INPP4B: variants seen among roughly 807,000 people sequenced by gnomAD.
INPP4B encodes inositol polyphosphate-4-phosphatase type II B.
A neutral mutation model predicts 122.5 loss-of-function variants in INPP4B; 55 were observed. That is an observed-to-expected ratio of 0.45 (90% confidence interval 0.36 to 0.56). The LOEUF is 0.56. Ranked by LOEUF, INPP4B falls within the 20% of genes least tolerant of loss-of-function variation. The pLI, the probability that INPP4B is intolerant of heterozygous loss-of-function variation, is 0.00. For synonymous variants in INPP4B, 403 were observed against 388.7 expected (o/e 1.04, Z -0.43); for missense variants, 1,000 against 1,097.7 (o/e 0.91, Z 1.26).
chr4:142,344,868 G>T (rs930907274), intron 7 of INPP4B, among the ~76,000 whole-genome samples: 2 of 151,838 alleles, frequency 1.3e-5, no homozygotes, highest in Admixed American at 6.6e-5. Flanking sequence ...CTTAAAATAA[G>T]AATTAATATA....
At chr4:142,836,717 T>C (rs1782820704) in intron 1 of INPP4B, among the ~76,000 whole-genome samples, 1 of 72,326 alleles carries the variant, frequency 1.4e-5, no homozygotes, top group Non-Finnish European at 3.0e-5. Context: ...AAAAGTACTG[T>C]CTACACACAC....
At chr4:142,627,232 A>G (rs1467733947) in intron 2 of INPP4B, among the ~76,000 whole-genome samples, 1 of 151,896 alleles carries the variant, frequency 6.6e-6, no homozygotes, top group Non-Finnish European at 1.5e-5. Flanking sequence ...TTCCTAATTG[A>G]ATACCCTTTA....
intron 7 of INPP4B, among the ~76,000 whole-genome samples, chr4:142,345,733 A>G (rs889785438): frequency 6.6e-6 from 1 of 152,082 alleles, no homozygotes; most frequent in Non-Finnish European, 1.5e-5. Context: ...ATAGAGTTAT[A>G]GTAATTAACA....
intron 12 of INPP4B, among the ~76,000 whole-genome samples, chr4:142,211,781 T>C (rs1223082062): frequency 6.6e-6 from 1 of 152,198 alleles, no homozygotes; most frequent in African/African-American, 2.4e-5. Flanking sequence ...TTTTATAATC[T>C]GCCCCTTTGT....
intron 2 of INPP4B, chr4:142,560,482 T>C (rs1211445522): frequency 2.0e-5 from 3 of 152,370 alleles, no homozygotes; most frequent in East Asian, 1.9e-4. Context: ...AGTTCCACAA[T>C]AGGCTGTCTG....
chr4:142,138,477 G>A (rs898553389), intron 18 of INPP4B, among the ~76,000 whole-genome samples: 2 of 151,556 alleles, frequency 1.3e-5, no homozygotes, highest in African/African-American at 4.8e-5. Context: ...CATGGCACAT[G>A]TATACATATG....
chr4:142,101,352 A>C (rs1198123056), intron 23 of INPP4B, among the ~76,000 whole-genome samples: 1 of 152,120 alleles, frequency 6.6e-6, no homozygotes, highest in Non-Finnish European at 1.5e-5. Flanking sequence ...TGATTCCACC[A>C]GTTATTTTTG....
chr4:142,080,273 C>G (rs1467234990), intron 25 of INPP4B, among the ~76,000 whole-genome samples: 1 of 152,048 alleles, frequency 6.6e-6, no homozygotes, highest in Admixed American at 6.6e-5. Flanking sequence ...GCTTGTAAAC[C>G]TATGAGCCTG....
At chr4:142,262,922 A>G (rs2150417099) in intron 10 of INPP4B, among the ~76,000 whole-genome samples, 1 of 152,324 alleles carries the variant, frequency 6.6e-6, no homozygotes, top group South Asian at 2.1e-4. Context: ...GCCTGAGAAA[A>G]GCAGGTTTTC....
chr4:142,477,466 GGAT>G (rs369470568), intron 2 of INPP4B, among the ~76,000 whole-genome samples: 102 of 136,926 alleles, frequency 7.4e-4, no homozygotes, highest in African/African-American at 2.8e-3. Flanking sequence ...AAGGAAACTG[GGAT>G]GAAAAAAAAA....
Position 142,720,809 on chromosome 4 carries a change from C to CTATATATATATATATA in INPP4B, c.-191+5014_-191+5029dup, listed in dbSNP as rs70949184. Among the ~76,000 whole-genome samples, 58 of 12,868 alleles carry CTATATATATATATATA rather than the reference C, an allele frequency of 4.5e-3. 4 individuals carry two copies. The highest frequency in any genetic ancestry group is 8.4e-3 in the Admixed American group (4 of 478). The allele number at this position is 12,868 out of a possible 152,430, so 8.4% of individuals were successfully genotyped here. A position where few individuals can be genotyped will look rare whatever the true frequency, so the allele number is the denominator to read the frequency against. On this transcript the variant is annotated intron_variant, in intron 2 of 25. Transcript: ENST00000262992. ...TCTCTCTCTCTCTCTCTCTCTCTCTCTATATATATATATATATATAGTTTT... is the reference window on the plus strand; with the variant it reads ...TCTCTCTCTCTCTCTCTCTCTCTCTCTATATATATATATATATATATATATATATATATATAGTTTT...
intron 14 of INPP4B, among the ~76,000 whole-genome samples, chr4:142,206,421 T>G (rs761741286): frequency 6.6e-6 from 1 of 151,644 alleles, no homozygotes; most frequent in African/African-American, 2.4e-5. Flanking sequence ...TAAATTAAAA[T>G]TTCATATACT....
At chr4:142,477,003 A>T (rs1322541415) in intron 2 of INPP4B, among the ~76,000 whole-genome samples, 4 of 152,156 alleles carry the variant, frequency 2.6e-5, no homozygotes, top group Non-Finnish European at 1.5e-5. Flanking sequence ...CATTCTTCTC[A>T]TCGGAACATG....
intron 2 of INPP4B, among the ~76,000 whole-genome samples, chr4:142,723,313 T>C (rs1248667193): frequency 6.6e-6 from 1 of 152,112 alleles, no homozygotes; most frequent in Admixed American, 6.6e-5. Context: ...AGTCATGAAA[T>C]TTTCTTAATT....
chr4:142,206,162 C>T (rs543109458), intron 14 of INPP4B, among the ~76,000 whole-genome samples: 26 of 152,134 alleles, frequency 1.7e-4, no homozygotes, highest in African/African-American at 6.3e-4. Flanking sequence ...AAACTTGCTC[C>T]TGAAAGCTCT....
chr4:142,133,736 G>A (rs982035192), intron 18 of INPP4B, among the ~76,000 whole-genome samples: 2 of 152,090 alleles, frequency 1.3e-5, no homozygotes, highest in African/African-American at 4.8e-5. Flanking sequence ...GTTGTTTCCT[G>A]AATATGGTAG....
intron 23 of INPP4B, among the ~76,000 whole-genome samples, chr4:142,090,203 A>T (rs542200001): frequency 1.3e-5 from 2 of 152,280 alleles, no homozygotes; most frequent in South Asian, 2.1e-4. Context: ...CACCTCATAA[A>T]GAGAGTGTGT....
chr4:142,204,831 T>C (rs112614539), intron 14 of INPP4B, among the ~76,000 whole-genome samples: 44 of 152,196 alleles, frequency 2.9e-4, no homozygotes, highest in African/African-American at 9.9e-4. Flanking sequence ...AGGGGAAGCA[T>C]GGCCCTGATG....
intron 2 of INPP4B, among the ~76,000 whole-genome samples, chr4:142,531,586 C>T (rs533223547): frequency 2.0e-4 from 30 of 152,070 alleles, no homozygotes; most frequent in East Asian, 1.5e-3. Flanking sequence ...ATGTAGCTTT[C>T]GACATTATTA....
Sources: allele counts gnomAD v4.1 joint callset (sites outside exome capture counted in the v4.1 genomes callset), GRCh38; gene constraint gnomAD v4.1.1; transcripts MANE v1.5; gene names NCBI Gene and HGNC (gene_info 2026-07-23, HGNC 2026-07-21).